PDS5A: variants seen among roughly 807,000 people sequenced by gnomAD.
PDS5A encodes the protein PDS5 cohesin associated factor A.
PDS5A carries 42 observed loss-of-function variants against 167.1 expected under a neutral mutation model. The observed-to-expected ratio is 0.25, with a 90% CI of 0.20 to 0.33. PDS5A has a LOEUF of 0.33. Ranked by LOEUF, PDS5A falls within the 10% of genes least tolerant of loss-of-function variation. The pLI is 1.00. For synonymous variants in PDS5A, 553 were observed against 554.6 expected (o/e 1.00, Z 0.04); for missense variants, 1,033 against 1,605.9 (o/e 0.64, Z 6.10).
intron 10 of PDS5A, chr4:39,908,901 G>A (rs1047360348): frequency 2.1e-5 from 4 of 192,606 alleles, no homozygotes; most frequent in African/African-American, 9.6e-5. Context: ...AGCCAGAAGT[G>A]TAGTGGCCCG....
chr4:39,851,269 C>T (rs138782801), intron 26 of PDS5A, among the ~76,000 whole-genome samples: 6 of 152,002 alleles, frequency 3.9e-5, no homozygotes, highest in African/African-American at 1.4e-4. Flanking sequence ...TAAGAAAAAT[C>T]GTCACCATTA....
rs763019166 is a variant in PDS5A, at chr4:39,976,546, G to A, written c.32C>T (p.Thr11Ile). The stretch of plus-strand genomic sequence containing the variant: ...GGCACTCACGACGCCACAGAGGGCA[G>A]TGGCAGGCTTGGGCTGCGCGGTGAA... MDFTAQPKPA[T>I]ALCGVVSADG... The change falls in exon 2 of 33, where the codon ACT (threonine) becomes ATT (isoleucine). Residue 11 changes from threonine to isoleucine, a missense_variant. Transcript: ENST00000303538. The A allele has an allele frequency of 6.2e-6, 10 of 1,613,358 alleles. No individual in the cohort carries two copies. The Admixed American group carries it at 1.5e-4, about 24-fold the overall frequency.
At chr4:39,929,395 G>A (rs1378133941) in intron 2 of PDS5A, among the ~76,000 whole-genome samples, 1 of 151,406 alleles carries the variant, frequency 6.6e-6, no homozygotes, top group African/African-American at 2.4e-5. Context: ...CTCCCGTGCT[G>A]GATGCTTCCT....
chr4:39,957,632 A>G (rs1250426774), intron 2 of PDS5A, among the ~76,000 whole-genome samples: 1 of 151,882 alleles, frequency 6.6e-6, no homozygotes, highest in Non-Finnish European at 1.5e-5. Context: ...AAAAGTACAA[A>G]AAAATTAGCC....
intron 2 of PDS5A, among the ~76,000 whole-genome samples, chr4:39,951,834 A>C (rs1461638361): frequency 7.0e-6 from 1 of 142,274 alleles, no homozygotes; most frequent in African/African-American, 2.6e-5. Context: ...CGGAAGGCAG[A>C]GGTTACAGTG....
At chr4:39,880,948 C>T (rs1207457022) in intron 17 of PDS5A, among the ~76,000 whole-genome samples, 1 of 151,994 alleles carries the variant, frequency 6.6e-6, no homozygotes, top group East Asian at 1.9e-4. Flanking sequence ...CCCTAATCCT[C>T]CCTTCCCACT....
At chr4:39,914,852 A>G (rs967148605) in intron 8 of PDS5A, among the ~76,000 whole-genome samples, 4 of 152,224 alleles carry the variant, frequency 2.6e-5, no homozygotes, top group Non-Finnish European at 2.9e-5. Context: ...CAGATATCCA[A>G]TAAACAAAAT....
At chr4:39,885,435 A>T (rs1007105288) in intron 17 of PDS5A, among the ~76,000 whole-genome samples, 10 of 151,566 alleles carry the variant, frequency 6.6e-5, no homozygotes, top group African/African-American at 2.4e-4. Context: ...CTGCTTCTCT[A>T]CTAAAGAACT....
intron 2 of PDS5A, among the ~76,000 whole-genome samples, chr4:39,943,742 G>A (rs140999604): frequency 3.6e-4 from 54 of 151,914 alleles, no homozygotes; most frequent in African/African-American, 1.3e-3. Context: ...GGGAGGCGGC[G>A]GTTGCAGTGA....
At chr4:39,974,105 G>T in intron 2 of PDS5A, 1 of 553,732 alleles carries the variant, frequency 1.8e-6, no homozygotes, top group South Asian at 1.4e-5. Context: ...CTGGGCGACA[G>T]AGCGAGACTC....
chr4:39,834,323 A>G (rs1716194080), intron 32 of PDS5A, among the ~76,000 whole-genome samples: 1 of 152,218 alleles, frequency 6.6e-6, no homozygotes, highest in Non-Finnish European at 1.5e-5. Context: ...GAGTTTCTGG[A>G]AAGCCAACAA....
chr4:39,906,917 T>TAAAAAAAAA (rs1191690836), intron 11 of PDS5A, among the ~76,000 whole-genome samples: 5 of 54,000 alleles, frequency 9.3e-5, no homozygotes, highest in African/African-American at 3.1e-4. Flanking sequence ...ATTTCTTACA[T>TAAAAAAAAA]AAAAAAAAAA....
chr4:39,945,483 T>TAAAAAAAAAAAAAAAAAA (rs770327279), intron 2 of PDS5A, among the ~76,000 whole-genome samples: 3 of 135,914 alleles, frequency 2.2e-5, no homozygotes, highest in African/African-American at 2.7e-5. Context: ...AAAAAAAAAT[T>TAAAAAAAAAAAAAAAAAA]AAATGCAGGC....
chr4:39,930,308 G>T (rs1478731790), intron 2 of PDS5A, among the ~76,000 whole-genome samples: 1 of 142,266 alleles, frequency 7.0e-6, no homozygotes, highest in African/African-American at 2.6e-5. Context: ...GCCCAGGCTG[G>T]TCTCGAACTC....
chr4:39,862,734 C>A (rs1719102094), intron 25 of PDS5A, 135 bp downstream of exon 25: 3 of 629,248 alleles, frequency 4.8e-6, no homozygotes, highest in Non-Finnish European at 8.3e-6. Flanking sequence ...TACATCATAA[C>A]TACAATGACA....
chr4:39,976,683 A>C, intron 1 of PDS5A, 66 bp from the exon 2 acceptor site: 1 of 784,074 alleles, frequency 1.3e-6, no homozygotes, highest in South Asian at 2.2e-5. Context: ...TTTCATTTCA[A>C]ATCTCTCTAA....
At chr4:39,970,790 CTTT>C (rs35223238) in intron 2 of PDS5A, among the ~76,000 whole-genome samples, 6 of 88,488 alleles carry the variant, frequency 6.8e-5, no homozygotes, top group Non-Finnish European at 1.0e-4. Context: ...CCGCTTGTTC[CTTT>C]TTTTTTTTTT....
chr4:39,975,106 C>CA (rs57418654), intron 2 of PDS5A, among the ~76,000 whole-genome samples: 10,286 of 84,960 alleles, frequency 0.12, 655 homozygotes, highest in African/African-American at 0.19. Context: ...GACTCCGTCT[C>CA]AAAAAAAAAA....
At chr4:39,872,068 A>G (rs1212523188) in intron 21 of PDS5A, among the ~76,000 whole-genome samples, 2 of 152,024 alleles carry the variant, frequency 1.3e-5, no homozygotes, top group Non-Finnish European at 2.9e-5. Flanking sequence ...CAATCTATAC[A>G]TTCCAACCCA....
Sources: gnomAD v4.1 joint callset for allele counts (sites outside exome capture counted in the v4.1 genomes callset) on GRCh38, gnomAD v4.1.1 for gene constraint, MANE v1.5 for transcripts, NCBI Gene and HGNC (gene_info 2026-07-23, HGNC 2026-07-21) for gene names.